Variants in THOC5 observed in about 807,000 individuals in gnomAD.
THOC5 encodes Fms-interacting protein.
Under a neutral mutation model 92.9 loss-of-function variants are expected in THOC5, and 43 were observed. That is an observed-to-expected ratio of 0.46 (90% CI 0.36 to 0.60). THOC5 has a LOEUF of 0.60. Among genes scored for constraint, THOC5 ranks in the 20% least tolerant of loss-of-function variants. The pLI, the probability that THOC5 is intolerant of heterozygous loss-of-function variation, is 0.00. For synonymous variants in THOC5, 296 were observed against 320.1 expected (o/e 0.92, Z 0.80); for missense variants, 659 against 849.4 (o/e 0.78, Z 2.79).
rs1601455553 is a variant in THOC5 at position 29,544,476 on chromosome 22, C to G, written c.224G>C (p.Arg75Thr). 3 of 1,613,676 alleles carry G rather than the reference C, an allele frequency of 1.9e-6. No homozygotes were observed. Among genetic ancestry groups the G allele is most frequent in the Non-Finnish European group, 2.5e-6 (3 of 1,179,878 alleles). The change falls in exon 3 of 20, where the codon AGG becomes ACG. Residue 75 changes from arginine (R) to threonine (T), a missense_variant. By Grantham distance (71) the Arg-to-Thr change is moderately conservative. Coordinates refer to ENST00000490103, the MANE Select transcript of THOC5 (RefSeq NM_003678.5). ...ACTCCTTACCACATCCTTGCCACCCCTGCTCTTCAGGTCTTGGATCTCAGC... is the reference window on the plus strand; with the variant it reads ...ACTCCTTACCACATCCTTGCCACCCGTGCTCTTCAGGTCTTGGATCTCAGC... ...LMAEIQDLKS[R>T]GGKDVAIEIE...
At chr22:29,532,080 G>T (rs1482354533) in intron 7 of THOC5, 117 bp from the exon 8 acceptor site, 9 of 1,228,968 alleles carry the variant, frequency 7.3e-6, no homozygotes, top group Non-Finnish European at 1.0e-5. Flanking sequence ...TAAACTAATA[G>T]AACTAATAGG....
chr22:29,508,482 G>A lies in THOC5; in HGVS notation c.2027C>T (p.Pro676Leu), dbSNP rs774619990. Residue 676 changes from proline (P) to leucine (L), a missense_variant, in exon 20 of 20, where the codon CCT becomes CTT. Transcript: ENST00000490103. ...TCAGCGATGGCTGAAGAATCCCTGA[G>A]GATGGTTGTATTTAAATGGCTTCAT... Reference protein sequence around the residue: ...SRMKPFKYNHPQGFFSHR With the variant: ...SRMKPFKYNHLQGFFSHR The A allele has an allele frequency of 6.2e-7, 1 of 1,614,180 alleles. No individual in the cohort carries two copies. Among genetic ancestry groups the A allele is most frequent in the South Asian group, 1.1e-5 (1 of 91,080 alleles).
In THOC5 at chr22:29,508,314, G is replaced by A. The variant is rs1328094662; in HGVS notation, c.*143C>T. The A allele has an allele frequency of 3.6e-6, 3 of 844,404 alleles. No individual in the cohort carries two copies. The highest frequency in any genetic ancestry group is 5.5e-6 in the Non-Finnish European group (3 of 541,314). 52.3% of individuals were successfully genotyped at this position (844,404 alleles called of 1,614,324 possible). On this transcript the variant is annotated 3_prime_UTR_variant, in exon 20 of 20. Transcript: ENST00000490103. Reference sequence around the variant, plus strand: ...CAAAGCCACCTTGCCAGGAACCACAGACAAAGGCCACTGGTCAGGTGACGC... The same window carrying A: ...CAAAGCCACCTTGCCAGGAACCACAAACAAAGGCCACTGGTCAGGTGACGC...
intron 9 of THOC5, 100 bp downstream of exon 9, chr22:29,529,062 C>G: frequency 8.3e-7 from 1 of 1,200,314 alleles, no homozygotes; most frequent in South Asian, 1.3e-5. Context: ...GTCAAGCTTC[C>G]TGCTACACAG....
intron 1 of THOC5, among the ~76,000 whole-genome samples, chr22:29,549,952 A>G (rs1287505841): frequency 6.6e-6 from 1 of 152,006 alleles, no homozygotes; most frequent in Non-Finnish European, 1.5e-5. Flanking sequence ...TACTTTGGGT[A>G]CACTATTAGG....
At chr22:29,533,374 A>C (rs1235332210) in intron 7 of THOC5, among the ~76,000 whole-genome samples, 2 of 152,244 alleles carry the variant, frequency 1.3e-5, no homozygotes, top group Non-Finnish European at 2.9e-5. Context: ...ATTTGTAACA[A>C]AAGTGGCACT....
At chr22:29,510,400 C>A (rs2063201527) in intron 19 of THOC5, among the ~76,000 whole-genome samples, 1 of 152,126 alleles carries the variant, frequency 6.6e-6, no homozygotes, top group African/African-American at 2.4e-5. Flanking sequence ...AGTTTGAGAC[C>A]AGCCTGGCTA....
chr22:29,519,040 G>A lies in THOC5; in HGVS notation c.1455C>T (p.Ser485=). 1 of 1,609,888 alleles carries A rather than the reference G, an allele frequency of 6.2e-7. No homozygotes were observed. The highest frequency in any genetic ancestry group is 8.5e-7 in the Non-Finnish European group (1 of 1,178,060). ...CAAACTGTTTGTGGAGGGCCAGGCG[G>A]GACTGCACCCTGGTCTTCAGAAGTT... The part of the protein sequence containing the change: ...TMKLLKTRVQ[S]RLALHKQFAS... Residue 485 remains serine, a synonymous_variant, in exon 15 of 20, where the codon TCC becomes TCT. Transcript: ENST00000490103.
At chr22:29,544,749 T>C (rs1436343659) in intron 2 of THOC5, 146 bp from the exon 3 acceptor site, 2 of 796,634 alleles carry the variant, frequency 2.5e-6, no homozygotes, top group African/African-American at 1.8e-5. Flanking sequence ...GTCCTTAAAT[T>C]AAATGCTTTT....
intron 2 of THOC5, 124 bp downstream of exon 2, chr22:29,548,928 C>G: frequency 1.3e-6 from 1 of 767,520 alleles, no homozygotes; most frequent in Non-Finnish European, 2.1e-6. Flanking sequence ...GTCACCTGGT[C>G]AAGTGGAAGC....
In THOC5 at chr22:29,536,464, C is replaced by T. The variant is rs1201892117; in HGVS notation, c.714+160G>A. 8.4e-6 allele frequency: 5 copies of T among 593,500 alleles called. No individual in the cohort carries two copies. The Admixed American group carries it at 1.2e-4, about 14-fold the overall frequency. The allele number at this position is 593,500 out of a possible 1,614,324, so 36.8% of individuals were successfully genotyped here. On this transcript the variant is annotated intron_variant, in intron 7 of 19. Transcript: ENST00000490103. The stretch of plus-strand genomic sequence containing the variant: ...GAGGCCAGCACTTCTTCCTCCCAGA[C>T]ACAAGCTTATCACACCAACTGGGTA...
chr22:29,550,005 T>C (rs745519613), intron 1 of THOC5, among the ~76,000 whole-genome samples: 1 of 152,096 alleles, frequency 6.6e-6, no homozygotes, highest in East Asian at 1.9e-4. Flanking sequence ...CCCACCTAGA[T>C]TGTGAGCTCT....
At position 29,506,914 on chromosome 22, in the gene THOC5, G is replaced by C. The variant is rs2063145842; in HGVS notation, c.*1543C>G. 6.6e-6 allele frequency: 1 copy of C among 152,098 alleles called. No individual in the cohort carries two copies. 9.4% of individuals were successfully genotyped at this position (152,098 alleles called of 1,614,324 possible). A position where few individuals can be genotyped will look rare whatever the true frequency, so the allele number is the denominator to read the frequency against. On this transcript the variant is annotated 3_prime_UTR_variant, in exon 20 of 20. Transcript: ENST00000490103. ...GGGACTCGCATTGTTTCCCAGGCTG[G>C]AGTACAGTACAGGCACGATGAATAG...
intron 1 of THOC5, among the ~76,000 whole-genome samples, chr22:29,551,887 C>T (rs1372816768): frequency 2.0e-5 from 3 of 150,536 alleles, no homozygotes; most frequent in East Asian, 4.0e-4. Context: ...ACCTCTCTGC[C>T]TGATTCTCCT....
At position 29,542,877 on chromosome 22, in the gene THOC5, G is replaced by A; in HGVS notation, c.434C>T (p.Thr145Ile). ...AACTCACTTAAACTCCAAACATTTG[G>A]TGATCTCCTTCTGTAGGTGCATCAC... ...YEVMHLQKEI[T>I]KCLEFKSKHE... is the part of the protein sequence containing the mutation. Residue 145 changes from threonine to isoleucine, a missense_variant, in exon 5 of 20, where the codon ACC becomes ATC. Transcript: ENST00000490103. 1.9e-6 allele frequency: 3 copies of A among 1,613,022 alleles called. No individual in the cohort carries two copies. The highest frequency in any genetic ancestry group is 2.5e-6 in the Non-Finnish European group (3 of 1,179,386).
intron 7 of THOC5, 47 bp downstream of exon 7, chr22:29,536,577 G>A (rs1356653922): frequency 2.6e-6 from 3 of 1,136,204 alleles, no homozygotes; most frequent in Non-Finnish European, 4.0e-6. Context: ...ACTTCTGGCA[G>A]CGCCTGGTCA....
chr22:29,533,064 A>T (rs2063687826), intron 7 of THOC5, among the ~76,000 whole-genome samples: 1 of 152,246 alleles, frequency 6.6e-6, no homozygotes, highest in Admixed American at 6.5e-5. Flanking sequence ...AAATAAGTGG[A>T]TACATGTGAA....
chr22:29,508,378 C>T lies in THOC5; in HGVS notation c.*79G>A. 7.1e-7 allele frequency: 1 copy of T among 1,406,798 alleles called. No homozygotes were observed. Among genetic ancestry groups the T allele is most frequent in the Non-Finnish European group, 1.0e-6 (1 of 999,136 alleles). 87.1% of individuals were successfully genotyped at this position (1,406,798 alleles called of 1,614,324 possible). A position where few individuals can be genotyped will look rare whatever the true frequency, so the allele number is the denominator to read the frequency against. On this transcript the variant is annotated 3_prime_UTR_variant, in exon 20 of 20. Coordinates refer to ENST00000490103, the MANE Select transcript of THOC5 (RefSeq NM_003678.5). Reference sequence around the variant, plus strand: ...GGTGTCTTTGGAGAATATCAAGAGTCACATGTGGGCCAGAGCAGAAAGCAG... The same window carrying T: ...GGTGTCTTTGGAGAATATCAAGAGTTACATGTGGGCCAGAGCAGAAAGCAG...
rs139614127 is a variant in THOC5 at position 29,508,512 on chromosome 22, C to T, written c.1997G>A (p.Ser666Asn). ...KMCLRLFRGP[S>N]RMKPFKYNHP... ...GTTGTATTTAAATGGCTTCATCCTG[C>T]TAGGACCCCTAGAGAAATAGGAGAA... is the stretch of plus-strand genomic sequence containing the variant. Residue 666 changes from serine to asparagine, a missense_variant, in exon 20 of 20, where the codon AGC becomes AAC. Physicochemically the swap from Ser to Asn is conservative, Grantham distance 46 (BLOSUM62 1). Transcript: ENST00000490103. 60 of 1,613,846 alleles carry T rather than the reference C, an allele frequency of 3.7e-5. No homozygotes were observed. The African/African-American group carries it at 7.5e-4, about 20-fold the overall frequency.
Sources: allele counts gnomAD v4.1 joint callset (sites outside exome capture counted in the v4.1 genomes callset), GRCh38; gene constraint gnomAD v4.1.1; transcripts MANE v1.5; gene names NCBI Gene and HGNC (gene_info 2026-07-23, HGNC 2026-07-21).